Variants in WDR43 observed in about 807,000 individuals in gnomAD.
The protein encoded by WDR43 is WD repeat domain 43, also known as WD repeat-containing protein 43.
Under a neutral mutation model 91.4 loss-of-function variants are expected in WDR43, and 13 were observed. The ratio of observed to expected loss-of-function variants is 0.14; its 90% CI spans 0.09 to 0.23. The LOEUF is 0.23. WDR43 is among the 10% of genes least tolerant of loss of function. The pLI is 1.00. For synonymous variants in WDR43, 331 were observed against 287.9 expected (o/e 1.15, Z -1.51); for missense variants, 780 against 809.4 (o/e 0.96, Z 0.44).
In WDR43 at chr2:28,922,235, T is replaced by C. The variant is rs149146305; in HGVS notation, c.850-684T>C. 6.5e-4 allele frequency among the ~76,000 whole-genome samples: 99 copies of C among 152,370 alleles called. 3 individuals carry two copies. The East Asian group carries it at 0.017, about 26-fold the overall frequency. On this transcript the variant is annotated intron_variant, in intron 6 of 17. Transcript: ENST00000407426. Reference sequence around the variant, plus strand: ...TTAAAACACTTTATATATTTCATTTTCTCTCAATGTATTGGCTCCTCCCTG... The same window carrying C: ...TTAAAACACTTTATATATTTCATTTCCTCTCAATGTATTGGCTCCTCCCTG...
In WDR43 at chr2:28,929,637, A is replaced by G; in HGVS notation, c.1364A>G (p.Glu455Gly). 1 of 1,613,834 alleles carries G rather than the reference A, an allele frequency of 6.2e-7. No homozygotes were observed. ...MDIDTHKKGK[E>G]DLQTNSFPVL... ...ATAGACACACACAAAAAAGGAAAGGAAGACCTCCAGACGAATAGCTTTCCA... is the reference window on the plus strand; with the variant it reads ...ATAGACACACACAAAAAAGGAAAGGGAGACCTCCAGACGAATAGCTTTCCA... Residue 455 changes from glutamate to glycine, a missense_variant, in exon 11 of 18, where the codon GAA (glutamate) becomes GGA (glycine). Physicochemically the swap from Glu to Gly is moderately conservative, Grantham distance 98 (BLOSUM62 -2). This residue lies in a region of WDR43 where 426 missense variants were observed against 467.8 expected (regional missense o/e 0.91). Transcript: ENST00000407426.
chr2:28,938,117 C>A, intron 14 of WDR43, 123 bp downstream of exon 14: 1 of 1,004,292 alleles, frequency 1.0e-6, no homozygotes, highest in Non-Finnish European at 1.5e-6. Flanking sequence ...CCGTTAGATG[C>A]TTCCTTTAGA....
Position 28,894,751 on chromosome 2 carries a change from C to G in WDR43, c.53C>G (p.Pro18Arg). ...SCDPLAPAGVPCAFSPHSQAY... is the reference protein window; with the variant it reads ...SCDPLAPAGVRCAFSPHSQAY... ...GACCCCCTGGCCCCTGCTGGGGTCC[C>G]TTGCGCCTTCTCCCCGCACAGCCAG... The change falls in exon 1 of 18, where the codon CCT (proline) becomes CGT (arginine). Residue 18 changes from proline (P) to arginine (R), a missense_variant. Transcript: ENST00000407426. 1.3e-6 allele frequency: 2 copies of G among 1,597,522 alleles called. No individual in the cohort carries two copies. Among genetic ancestry groups the G allele is most frequent in the Non-Finnish European group, 1.7e-6 (2 of 1,172,716 alleles).
chr2:28,895,531 C>T (rs1216354490), intron 1 of WDR43, among the ~76,000 whole-genome samples: 2 of 152,130 alleles, frequency 1.3e-5, no homozygotes, highest in African/African-American at 2.4e-5. Context: ...TTGATTTTAA[C>T]ATCTGCTCGC....
chr2:28,937,501 T>G (rs907889511), intron 13 of WDR43, among the ~76,000 whole-genome samples: 5 of 152,160 alleles, frequency 3.3e-5, no homozygotes, highest in African/African-American at 1.2e-4. Context: ...TATGACTTTT[T>G]TGCACATTTT....
intron 9 of WDR43, 88 bp downstream of exon 9, chr2:28,926,642 G>A: frequency 8.8e-7 from 1 of 1,139,850 alleles, no homozygotes; most frequent in Non-Finnish European, 1.2e-6. Context: ...ATTAAACTGA[G>A]TTTTTTATTC....
rs1558364826 is a variant in WDR43, at chr2:28,894,925, TA to T, written c.225+5del. Reference sequence around the variant, plus strand: ...GCGCCAGCGCGGCTGCAGGCCAAGGTAAAGCGAGCGGGACTGCGCGGGGCGG... The same window carrying T: ...GCGCCAGCGCGGCTGCAGGCCAAGGTAAGCGAGCGGGACTGCGCGGGGCGG... On this transcript the variant is annotated splice_donor_region_variant and intron_variant, in intron 1 of 17. Coordinates refer to ENST00000407426, the MANE Select transcript of WDR43 (RefSeq NM_015131.3). 1 of 1,576,726 alleles carries T rather than the reference TA, an allele frequency of 6.3e-7. No individual in the cohort carries two copies. The highest frequency in any genetic ancestry group is 1.8e-5 in the Admixed American group (1 of 54,076).
intron 14 of WDR43, among the ~76,000 whole-genome samples, chr2:28,938,236 G>T (rs1303362019): frequency 1.3e-5 from 2 of 152,112 alleles, no homozygotes; most frequent in Non-Finnish European, 2.9e-5. Flanking sequence ...AAAATATAGA[G>T]ATCTTTACAA....
intron 6 of WDR43, among the ~76,000 whole-genome samples, chr2:28,919,931 C>T (rs1162000311): frequency 6.6e-6 from 1 of 151,700 alleles, no homozygotes; most frequent in African/African-American, 2.4e-5. Context: ...ACTTCTGTCC[C>T]CTGGGTTCAA....
intron 5 of WDR43, among the ~76,000 whole-genome samples, chr2:28,915,812 T>G (rs1252903212): frequency 6.8e-6 from 1 of 146,014 alleles, no homozygotes; most frequent in Non-Finnish European, 1.5e-5. Flanking sequence ...TACTGTGCAG[T>G]GGTCTGATGG....
intron 7 of WDR43, among the ~76,000 whole-genome samples, chr2:28,923,954 A>T (rs1406023398): frequency 6.6e-6 from 1 of 152,108 alleles, no homozygotes; most frequent in Non-Finnish European, 1.5e-5. Context: ...TAGACTATAG[A>T]GGGTGAAAGG....
At chr2:28,939,419 T>C (rs1287652478) in intron 14 of WDR43, among the ~76,000 whole-genome samples, 1 of 152,128 alleles carries the variant, frequency 6.6e-6, no homozygotes, top group Non-Finnish European at 1.5e-5. Context: ...ACCAGAGTAG[T>C]TGTGGTGTAA....
chr2:28,943,228 C>T (rs1671481914), intron 16 of WDR43, among the ~76,000 whole-genome samples: 1 of 151,738 alleles, frequency 6.6e-6, no homozygotes, highest in African/African-American at 2.4e-5. Context: ...GCCTCAAACT[C>T]TTACACTCAA....
rs565277148 is a variant in WDR43, at chr2:28,946,771, G to A, written c.2026G>A (p.Glu676Lys). The A allele has an allele frequency of 1.3e-6, 2 of 1,576,408 alleles. No individual in the cohort carries two copies. Among genetic ancestry groups the A allele is most frequent in the Admixed American group, 1.9e-5 (1 of 53,950 alleles). Residue 676 changes from glutamate to lysine, a missense_variant, in exon 18 of 18, where the codon GAA becomes AAA. By Grantham distance (56) the Glu-to-Lys change is moderately conservative. Transcript: ENST00000407426. ...SDLDPENESE[E>K]E ...TTTAGATCCTGAAAATGAAAGTGAA[G>A]AAGAATGAAGACAGCAAAGCAAGCC... is the stretch of plus-strand genomic sequence containing the variant.
Position 28,935,591 on chromosome 2 carries a change from T to C in WDR43, c.1508T>C (p.Ile503Thr), listed in dbSNP as rs1671322438. 3 of 1,592,120 alleles carry C rather than the reference T, an allele frequency of 1.9e-6. No homozygotes were observed. Among genetic ancestry groups the C allele is most frequent in the Non-Finnish European group, 1.7e-6 (2 of 1,169,314 alleles). The stretch of plus-strand genomic sequence containing the variant: ...TTAAGGATGCCCCTGCATACTATTA[T>C]TCCGTTGTTACAAGAGGTAACTGAC... ...TVLRMPLHTI[I>T]PLLQELTKRL... is the part of the protein sequence containing the mutation. The change falls in exon 12 of 18, where the codon ATT becomes ACT. Residue 503 changes from isoleucine (I) to threonine (T), a missense_variant. Transcript: ENST00000407426.
intron 11 of WDR43, among the ~76,000 whole-genome samples, chr2:28,930,767 A>G (rs913548063): frequency 4.6e-5 from 7 of 152,220 alleles, no homozygotes; most frequent in Non-Finnish European, 1.0e-4. Context: ...ATTAAGAAAC[A>G]GTTCAAAACA....
At position 28,947,364 on chromosome 2, in the gene WDR43, T is replaced by G. The variant is rs1357817789; in HGVS notation, c.*585T>G. 1 of 152,322 alleles carries G rather than the reference T, an allele frequency of 6.6e-6. No homozygotes were observed. The highest frequency in any genetic ancestry group is 1.9e-4 in the East Asian group (1 of 5,188). 9.4% of individuals were successfully genotyped at this position (152,322 alleles called of 1,614,324 possible). A position where few individuals can be genotyped will look rare whatever the true frequency, so the allele number is the denominator to read the frequency against. On this transcript the variant is annotated 3_prime_UTR_variant, in exon 18 of 18. Coordinates refer to ENST00000407426, the MANE Select transcript of WDR43 (RefSeq NM_015131.3). ...ATCTGACTTGAGTCAGATTGAATATTTGGAGTGCTTCCCCAGAATAACCAC... is the reference window on the plus strand; with the variant it reads ...ATCTGACTTGAGTCAGATTGAATATGTGGAGTGCTTCCCCAGAATAACCAC...
At position 28,912,699 on chromosome 2, in the gene WDR43, G is replaced by A; in HGVS notation, c.595G>A (p.Glu199Lys). The A allele has an allele frequency of 6.2e-7, 1 of 1,613,896 alleles. No individual in the cohort carries two copies. Among genetic ancestry groups the A allele is most frequent in the Non-Finnish European group, 8.5e-7 (1 of 1,179,866 alleles). ...TIKLWVLETK[E>K]VYRHFTGHAT... The stretch of plus-strand genomic sequence containing the variant: ...CAAACTATGGGTTTTGGAGACCAAA[G>A]AAGTCTACAGGGTGAGCGAATCAAA... Residue 199 changes from glutamate to lysine, a missense_variant, in exon 4 of 18, where the codon GAA becomes AAA. Coordinates refer to ENST00000407426, the MANE Select transcript of WDR43 (RefSeq NM_015131.3).
intron 1 of WDR43, among the ~76,000 whole-genome samples, chr2:28,896,052 CATAAA>C (rs1366706052): frequency 3.9e-5 from 6 of 152,006 alleles, no homozygotes; most frequent in Non-Finnish European, 7.4e-5. Context: ...CCTGTTGATT[CATAAA>C]ATAAACCTAT....
Sources: allele counts gnomAD v4.1 joint callset (sites outside exome capture counted in the v4.1 genomes callset), GRCh38; gene constraint gnomAD v4.1.1; regional missense constraint gnomAD v4.1.1; transcripts MANE v1.5; gene names NCBI Gene and HGNC (gene_info 2026-07-23, HGNC 2026-07-21).